Variants in SHISA9 observed in about 807,000 individuals in gnomAD.
The protein encoded by SHISA9 is protein shisa-9.
SHISA9 carries 13 observed loss-of-function variants against 38.0 expected under a neutral mutation model. That is an observed-to-expected ratio of 0.34 (90% CI 0.22 to 0.54). SHISA9 has a LOEUF of 0.54. Among genes scored for constraint, SHISA9 ranks in the 20% least tolerant of loss-of-function variants. The pLI is 0.91. For missense variants in SHISA9, 538 were observed against 575.8 expected (o/e 0.93, Z 0.67); for synonymous variants, 275 against 242.0 (o/e 1.14, Z -1.27).
intron 2 of SHISA9, among the ~76,000 whole-genome samples, chr16:13,096,686 A>G (rs1386948404): frequency 2.0e-5 from 3 of 152,338 alleles, no homozygotes; most frequent in East Asian, 1.9e-4. Flanking sequence ...GGCAGAGTCT[A>G]TCTTGGAAGT....
chr16:13,261,702 C>T, the SHISA9 span, among the ~76,000 whole-genome samples: 21 of 152,148 alleles, frequency 1.4e-4, no homozygotes, highest in African/African-American at 5.1e-4. Flanking sequence ...TTAATGGTGG[C>T]ACTTGTCTAC....
the SHISA9 span, among the ~76,000 whole-genome samples, chr16:13,312,409 C>G: frequency 1.3e-5 from 2 of 152,290 alleles, no homozygotes; most frequent in South Asian, 2.1e-4. Context: ...CCTGTCCCCC[C>G]CTCAGTCATG....
At chr16:13,286,699 C>T in the SHISA9 span, among the ~76,000 whole-genome samples, 1 of 152,134 alleles carries the variant, frequency 6.6e-6, no homozygotes, top group Non-Finnish European at 1.5e-5. Context: ...ATCTCATTTG[C>T]AGATCAAAAG....
intron 2 of SHISA9, among the ~76,000 whole-genome samples, chr16:12,994,095 A>G (rs1425521309): frequency 6.6e-6 from 1 of 152,194 alleles, no homozygotes; most frequent in Admixed American, 6.5e-5. Context: ...AGGATATGGA[A>G]TTTGGGTCTT....
the SHISA9 span, among the ~76,000 whole-genome samples, chr16:13,344,747 A>T: frequency 6.6e-6 from 1 of 152,192 alleles, no homozygotes; most frequent in Non-Finnish European, 1.5e-5. Context: ...AAGGCACAGC[A>T]AAGTGAATAT....
At chr16:13,053,410 C>G (rs367564582) in intron 2 of SHISA9, among the ~76,000 whole-genome samples, 1 of 152,310 alleles carries the variant, frequency 6.6e-6, no homozygotes, top group African/African-American at 2.4e-5. Flanking sequence ...TAAGCTATAG[C>G]CAAAGCCTCC....
chr16:13,209,110 A>C (rs2051094479), intron 3 of SHISA9, among the ~76,000 whole-genome samples: 1 of 152,186 alleles, frequency 6.6e-6, no homozygotes, highest in African/African-American at 2.4e-5. Context: ...ACACACAGAT[A>C]ATGGCTTAGA....
At chr16:13,073,200 TCTC>T (rs2073538684) in intron 2 of SHISA9, among the ~76,000 whole-genome samples, 1 of 150,412 alleles carries the variant, frequency 6.6e-6, no homozygotes, top group African/African-American at 2.4e-5. Flanking sequence ...AGCCCAACTC[TCTC>T]CTATCTCTCT....
chr16:13,264,638 C>T, the SHISA9 span, among the ~76,000 whole-genome samples: 1 of 152,120 alleles, frequency 6.6e-6, no homozygotes, highest in Admixed American at 6.5e-5. Flanking sequence ...GTCTCTCTTG[C>T]TTCTAGTCTT....
At chr16:13,101,216 C>G (rs2073876064) in intron 2 of SHISA9, among the ~76,000 whole-genome samples, 1 of 152,152 alleles carries the variant, frequency 6.6e-6, no homozygotes, top group South Asian at 2.1e-4. Context: ...GCTAACAATA[C>G]TGTACTGTAT....
chr16:13,516,616 A>G, the SHISA9 span, among the ~76,000 whole-genome samples: 8 of 152,220 alleles, frequency 5.3e-5, no homozygotes, highest in African/African-American at 1.4e-4. Flanking sequence ...CCTGGCCAAC[A>G]TGGTGAAACC....
intron 2 of SHISA9, among the ~76,000 whole-genome samples, chr16:13,014,199 A>T (rs531515852): frequency 1.9e-4 from 29 of 152,260 alleles, no homozygotes; most frequent in African/African-American, 6.5e-4. Context: ...AAGACAATAC[A>T]GTTGGTGTCA....
intron 2 of SHISA9, among the ~76,000 whole-genome samples, chr16:12,948,456 C>T (rs568504790): frequency 6.6e-6 from 1 of 152,332 alleles, no homozygotes; most frequent in African/African-American, 2.4e-5. Flanking sequence ...TGGTGTATTT[C>T]TGTCTTTGTT....
chr16:13,511,621 A>C, the SHISA9 span, among the ~76,000 whole-genome samples: 1 of 152,120 alleles, frequency 6.6e-6, no homozygotes, highest in Non-Finnish European at 1.5e-5. Context: ...AGCCCCACAA[A>C]TTGCCTCTAC....
At chr16:13,047,567 C>T (rs1353993110) in intron 2 of SHISA9, among the ~76,000 whole-genome samples, 1 of 152,098 alleles carries the variant, frequency 6.6e-6, no homozygotes, top group Non-Finnish European at 1.5e-5. Context: ...TTGATGGTTG[C>T]TTTCGGGAGG....
chr16:13,274,055 A>G, the SHISA9 span, among the ~76,000 whole-genome samples: 1 of 152,278 alleles, frequency 6.6e-6, no homozygotes, highest in South Asian at 2.1e-4. Flanking sequence ...CAGTTTTCTC[A>G]CTTAGTCAAA....
chr16:13,282,874 G>A, the SHISA9 span, among the ~76,000 whole-genome samples: 1 of 151,830 alleles, frequency 6.6e-6, no homozygotes, highest in Non-Finnish European at 1.5e-5. Context: ...GAGATTTCCT[G>A]TCTGTCCACT....
At chr16:12,974,245 T>A (rs2072124629) in intron 2 of SHISA9, among the ~76,000 whole-genome samples, 1 of 152,122 alleles carries the variant, frequency 6.6e-6, no homozygotes, top group Non-Finnish European at 1.5e-5. Flanking sequence ...GGGCCACTCC[T>A]TGGCCAGGAG....
At chr16:13,000,839 A>G (rs564100150) in intron 2 of SHISA9, among the ~76,000 whole-genome samples, 2 of 152,334 alleles carry the variant, frequency 1.3e-5, no homozygotes, top group Non-Finnish European at 2.9e-5. Flanking sequence ...GAGAGGCTAC[A>G]ATTTCAGAAA....
Sources: gnomAD v4.1 joint callset for allele counts (sites outside exome capture counted in the v4.1 genomes callset) on GRCh38, gnomAD v4.1.1 for gene constraint, MANE v1.5 for transcripts, NCBI Gene and HGNC (gene_info 2026-07-23, HGNC 2026-07-21) for gene names.